CEP350: variants seen among roughly 807,000 people sequenced by gnomAD.
CEP350 encodes centrosome-associated protein 350.
A neutral mutation model predicts 331.8 loss-of-function variants in CEP350; 126 were observed. That is an observed-to-expected ratio of 0.38 (90% CI 0.33 to 0.44). CEP350 has a LOEUF of 0.44. Among genes scored for constraint, CEP350 ranks in the 20% least tolerant of loss-of-function variants. The pLI, the probability that CEP350 is intolerant of heterozygous loss-of-function variation, is 1.00. For synonymous variants in CEP350, 1,200 were observed against 1,259.5 expected (o/e 0.95, Z 1.00); for missense variants, 3,406 against 3,634.6 (o/e 0.94, Z 1.62).
At chr1:179,970,233 A>G (rs1031473105) in intron 1 of CEP350, among the ~76,000 whole-genome samples, 42 of 152,318 alleles carry the variant, frequency 2.8e-4, no homozygotes, top group Admixed American at 2.7e-3. Flanking sequence ...TACTAATGTT[A>G]CATAGTATCT....
At position 180,065,261 on chromosome 1, in the gene CEP350, C is replaced by T; in HGVS notation, c.5556C>T (p.Arg1852=). The T allele has an allele frequency of 6.2e-7, 1 of 1,607,616 alleles. No homozygotes were observed. Among genetic ancestry groups the T allele is most frequent in the Non-Finnish European group, 8.5e-7 (1 of 1,178,278 alleles). ...AGAAACTGAAGAAAATGAGAAGCCG[C>T]ATGGATGAAAAGTATTTGTTTTTTA... ...IMQKLKKMRS[R]MDEKFLTKRE... is the part of the protein sequence containing the mutation. Residue 1852 remains arginine (R), a synonymous_variant, in exon 27 of 38, where the codon CGC becomes CGT. Coordinates refer to ENST00000367607, the MANE Select transcript of CEP350 (RefSeq NM_014810.5).
In CEP350 at chr1:180,031,407, G is replaced by T. The variant is rs12125245; in HGVS notation, c.3638G>T (p.Gly1213Val). The change falls in exon 15 of 38, where the codon GGG (glycine) becomes GTG (valine). Residue 1213 changes from glycine to valine, a missense_variant. By Grantham distance (109) the Gly-to-Val change is moderately radical. Around this residue, in one of 5 missense-constraint regions of CEP350, gnomAD observed 1,857 missense variants for 1,909.2 expected, o/e 0.97. Transcript: ENST00000367607. ...GGCTCCCATCAAGGAAAGAAATCTGGGACCAGCAGCAAACTTTCTGTTAAA... is the reference window on the plus strand; with the variant it reads ...GGCTCCCATCAAGGAAAGAAATCTGTGACCAGCAGCAAACTTTCTGTTAAA... ...ERGSHQGKKSGTSSKLSVKDF... is the reference protein window; with the variant it reads ...ERGSHQGKKSVTSSKLSVKDF... The T allele has an allele frequency of 0.11, 171,291 of 1,605,198 alleles. 10,199 individuals carry two copies. Among genetic ancestry groups the T allele is most frequent in the Middle Eastern group, 0.12 (727 of 6,030 alleles).
chr1:180,017,485 A>T (rs1223464248), intron 11 of CEP350, among the ~76,000 whole-genome samples: 1 of 152,170 alleles, frequency 6.6e-6, no homozygotes, highest in African/African-American at 2.4e-5. Context: ...TAATGTCTTC[A>T]ATTTTTATCT....
chr1:180,020,501 T>A lies in CEP350; in HGVS notation c.2727T>A (p.Asp909Glu). The A allele has an allele frequency of 6.2e-7, 1 of 1,613,994 alleles. No individual in the cohort carries two copies. The highest frequency in any genetic ancestry group is 8.5e-7 in the Non-Finnish European group (1 of 1,179,898). The change falls in exon 12 of 38, where the codon GAT (aspartate) becomes GAA (glutamate). Residue 909 changes from aspartate to glutamate, a missense_variant. Asp to Glu is a conservative substitution (Grantham distance 45). Around this residue, in one of 5 missense-constraint regions of CEP350, gnomAD observed 1,857 missense variants for 1,909.2 expected, o/e 0.97. Transcript: ENST00000367607. ...SCVSHATFDD[D>E]LPGVGNLSEF... is the part of the protein sequence containing the mutation. ...TATCTCATGCAACTTTTGATGATGATCTTCCTGGTGTAGGCAATCTTAGTG... is the reference window on the plus strand; with the variant it reads ...TATCTCATGCAACTTTTGATGATGAACTTCCTGGTGTAGGCAATCTTAGTG...
intron 14 of CEP350, among the ~76,000 whole-genome samples, chr1:180,029,930 A>T (rs1010170899): frequency 2.0e-5 from 3 of 152,000 alleles, no homozygotes; most frequent in Non-Finnish European, 2.9e-5. Context: ...TCCTTTTGTG[A>T]CTGGCTTATT....
At chr1:180,018,317 C>T (rs923146121) in intron 11 of CEP350, among the ~76,000 whole-genome samples, 48 of 152,148 alleles carry the variant, frequency 3.2e-4, no homozygotes, top group Non-Finnish European at 1.0e-4. Flanking sequence ...CCATGCCCAG[C>T]TCAGGATTAA....
In CEP350 at chr1:179,955,088, C is replaced by T. The variant is rs1650065071; in HGVS notation, c.-68C>T. On this transcript the variant is annotated 5_prime_UTR_variant, in exon 1 of 38. Coordinates refer to ENST00000367607, the MANE Select transcript of CEP350 (RefSeq NM_014810.5). ...GTCGGGGCGGCGTCACTGCACCCTC[C>T]GCCAGGCTCCGCGGGATGCACCGTG... The T allele has an allele frequency of 1.4e-6, 2 of 1,461,014 alleles. No individual in the cohort carries two copies. Among genetic ancestry groups the T allele is most frequent in the African/African-American group, 1.5e-5 (1 of 68,300 alleles). 90.5% of individuals were successfully genotyped at this position (1,461,014 alleles called of 1,614,324 possible).
At chr1:180,101,100 T>C (rs1426255913) in intron 37 of CEP350, among the ~76,000 whole-genome samples, 1 of 152,186 alleles carries the variant, frequency 6.6e-6, no homozygotes, top group African/African-American at 2.4e-5. Flanking sequence ...TTTGCAGGGG[T>C]AAGGTTATTA....
chr1:180,024,841 C>T (rs564375180), intron 14 of CEP350, among the ~76,000 whole-genome samples: 20 of 152,044 alleles, frequency 1.3e-4, no homozygotes, highest in African/African-American at 3.4e-4. Context: ...GACAAATTTC[C>T]TTTGAGACTT....
intron 1 of CEP350, among the ~76,000 whole-genome samples, chr1:179,961,627 A>G (rs757353389): frequency 3.3e-5 from 5 of 152,162 alleles, no homozygotes; most frequent in African/African-American, 1.2e-4. Flanking sequence ...GTTGACTCCT[A>G]ACGTCCAGCT....
In CEP350 at chr1:180,104,860, C is replaced by A. The variant is rs368013988; in HGVS notation, c.9189+5875C>A. On this transcript the variant is annotated intron_variant, in intron 37 of 37. Coordinates refer to ENST00000367607, the MANE Select transcript of CEP350 (RefSeq NM_014810.5). ...CCACCTGATACAGCATTCTTGAAGG[C>A]AAAAGCACTTGGACTAATAATAAGC... Among the ~76,000 whole-genome samples the A allele has an allele frequency of 3.3e-5, 5 of 152,284 alleles. No individual in the cohort carries two copies. In the East Asian group the frequency reaches 5.8e-4, roughly 18 times the overall value.
chr1:179,981,857 G>A lies in CEP350; in HGVS notation c.-13-4312G>A, dbSNP rs533981211. Among the ~76,000 whole-genome samples, 36 of 151,916 alleles carry A rather than the reference G, an allele frequency of 2.4e-4. No homozygotes were observed. In the South Asian group the frequency reaches 7.3e-3, roughly 31 times the overall value. On this transcript the variant is annotated intron_variant, in intron 1 of 37. Coordinates refer to ENST00000367607, the MANE Select transcript of CEP350 (RefSeq NM_014810.5). Reference sequence around the variant, plus strand: ...TATAAAAATAAAAAAAAAATTAACCGGCCATGGTGGTGTGTACCTGTAGTC... The same window carrying A: ...TATAAAAATAAAAAAAAAATTAACCAGCCATGGTGGTGTGTACCTGTAGTC...
chr1:180,006,449 T>C lies in CEP350; in HGVS notation c.1133-5T>C. 7.6e-7 allele frequency: 1 copy of C among 1,316,322 alleles called. No homozygotes were observed. The highest frequency in any genetic ancestry group is 2.0e-5 in the Admixed American group (1 of 50,466). 81.5% of individuals were successfully genotyped at this position (1,316,322 alleles called of 1,614,324 possible). A position where few individuals can be genotyped will look rare whatever the true frequency, so the allele number is the denominator to read the frequency against. ...ATATTTGCTGTAAATATTTCTGCTTTTCAGATGATATTTCTATAAAGGAGA... is the reference window on the plus strand; with the variant it reads ...ATATTTGCTGTAAATATTTCTGCTTCTCAGATGATATTTCTATAAAGGAGA... On this transcript the variant is annotated splice_polypyrimidine_tract_variant and splice_region_variant and intron_variant, in intron 7 of 37. Coordinates refer to ENST00000367607, the MANE Select transcript of CEP350 (RefSeq NM_014810.5).
chr1:180,019,936 C>T lies in CEP350; in HGVS notation c.2175-13C>T. The T allele has an allele frequency of 6.4e-7, 1 of 1,553,700 alleles. No individual in the cohort carries two copies. The highest frequency in any genetic ancestry group is 8.7e-7 in the Non-Finnish European group (1 of 1,154,966). On this transcript the variant is annotated splice_polypyrimidine_tract_variant and intron_variant, in intron 11 of 37. Transcript: ENST00000367607. ...GGTTTAGTTAACTAACATATTGTGA[C>T]TTTCATTTCCAGAAAAGACTTGATG... is the stretch of plus-strand genomic sequence containing the variant.
chr1:179,961,587 C>G (rs1412455186), intron 1 of CEP350, among the ~76,000 whole-genome samples: 1 of 152,130 alleles, frequency 6.6e-6, no homozygotes, highest in East Asian at 1.9e-4. Flanking sequence ...ACTAACGGGT[C>G]ATGACTACAC....
rs1028199520 is a variant in CEP350, at chr1:180,022,693, G to A, written c.3236-5G>A. 4.4e-6 allele frequency: 7 copies of A among 1,605,048 alleles called. No homozygotes were observed. In the Admixed American group the frequency reaches 5.1e-5, roughly 12 times the overall value. Reference sequence around the variant, plus strand: ...TAACCATGTTTCAATTATTACTTTTGTCAGGGTTTGAAGACAAGTTGGACA... The same window carrying A: ...TAACCATGTTTCAATTATTACTTTTATCAGGGTTTGAAGACAAGTTGGACA... On this transcript the variant is annotated splice_polypyrimidine_tract_variant and splice_region_variant and intron_variant, in intron 12 of 37. Transcript: ENST00000367607.
chr1:179,988,426 A>G (rs947975831), intron 3 of CEP350, among the ~76,000 whole-genome samples: 1 of 152,184 alleles, frequency 6.6e-6, no homozygotes, highest in African/African-American at 2.4e-5. Context: ...TTCCTTTCCA[A>G]TTTGGATGCC....
rs1290475939 is a variant in CEP350 at position 179,964,576 on chromosome 1, C to T, written c.-14+9434C>T. On this transcript the variant is annotated intron_variant, in intron 1 of 37. Coordinates refer to ENST00000367607, the MANE Select transcript of CEP350 (RefSeq NM_014810.5). ...ATTTTGTAAATTGTTATGATCTGTTCAGGATTTCAGTTTCTTCCTTGTTCA... is the reference window on the plus strand; with the variant it reads ...ATTTTGTAAATTGTTATGATCTGTTTAGGATTTCAGTTTCTTCCTTGTTCA... 3.9e-5 allele frequency among the ~76,000 whole-genome samples: 6 copies of T among 152,082 alleles called. No individual in the cohort carries two copies. The East Asian group carries it at 1.2e-3, about 29-fold the overall frequency.
intron 18 of CEP350, 128 bp downstream of exon 18, chr1:180,041,376 T>C: frequency 4.2e-6 from 3 of 709,290 alleles, no homozygotes; most frequent in Non-Finnish European, 6.8e-6. Context: ...TAGTACTTTT[T>C]ATGGGATAAT....
Sources: allele counts gnomAD v4.1 joint callset (sites outside exome capture counted in the v4.1 genomes callset), GRCh38; gene constraint gnomAD v4.1.1; regional missense constraint gnomAD v4.1.1; transcripts MANE v1.5; gene names NCBI Gene and HGNC (gene_info 2026-07-23, HGNC 2026-07-21).